PTPN2: variants seen among roughly 807,000 people sequenced by gnomAD.
PTPN2 encodes tyrosine-protein phosphatase non-receptor type 2.
In PTPN2, 19 loss-of-function variants were observed where a neutral mutation model predicts 57.3. The observed-to-expected ratio is 0.33, with a 90% CI of 0.23 to 0.49. The LOEUF (loss-of-function observed/expected upper bound fraction) is 0.49, where lower values mean the gene tolerates loss of function less well. Ranked by LOEUF, PTPN2 falls within the 20% of genes least tolerant of loss-of-function variation. PTPN2 has a pLI of 0.99. For synonymous variants in PTPN2, 153 were observed against 164.9 expected (o/e 0.93, Z 0.55); for missense variants, 358 against 501.1 (o/e 0.71, Z 2.73).
chr18:12,844,950 G>C (rs1311123179), intron 2 of PTPN2, among the ~76,000 whole-genome samples: 2 of 151,924 alleles, frequency 1.3e-5, no homozygotes, highest in African/African-American at 4.8e-5. Flanking sequence ...TTGCACCTTT[G>C]TCAAAAAATC....
At chr18:12,811,912 C>T (rs1261285636) in intron 7 of PTPN2, among the ~76,000 whole-genome samples, 1 of 152,196 alleles carries the variant, frequency 6.6e-6, no homozygotes, top group Non-Finnish European at 1.5e-5. Flanking sequence ...CACACAATGC[C>T]TAGAACCCTA....
chr18:12,840,201 G>T (rs2042997020), intron 2 of PTPN2, among the ~76,000 whole-genome samples: 1 of 152,058 alleles, frequency 6.6e-6, no homozygotes, highest in African/African-American at 2.4e-5. Flanking sequence ...CTCAACTAAG[G>T]GTAATCAGTA....
intron 8 of PTPN2, among the ~76,000 whole-genome samples, chr18:12,798,748 T>C (rs1195090871): frequency 2.6e-5 from 4 of 152,188 alleles, no homozygotes; most frequent in African/African-American, 4.8e-5. Flanking sequence ...AGTACAATGA[T>C]TTATATTCTT....
chr18:12,820,765 G>A (rs1333917436), intron 5 of PTPN2, among the ~76,000 whole-genome samples: 1 of 152,116 alleles, frequency 6.6e-6, no homozygotes, highest in African/African-American at 2.4e-5. Context: ...TTCCACACAT[G>A]CCTGCCAAGT....
At chr18:12,872,200 A>C (rs557986020) in intron 1 of PTPN2, 2 of 152,348 alleles carry the variant, frequency 1.3e-5, no homozygotes, top group East Asian at 3.9e-4. Context: ...CTAGAGGGGT[A>C]CAAACTCTAG....
In PTPN2 at chr18:12,793,833, T is replaced by C; in HGVS notation, c.*445A>G. The C allele has an allele frequency of 1.0e-6, 1 of 966,972 alleles. No individual in the cohort carries two copies. The highest frequency in any genetic ancestry group is 1.2e-6 in the Non-Finnish European group (1 of 808,520). The allele number at this position is 966,972 out of a possible 1,614,324, so 59.9% of individuals were successfully genotyped here. Reference sequence around the variant, plus strand: ...ATAAAAGTGTTGATGCCCATGTCAATAGTACATTATACATTACACACATTA... The same window carrying C: ...ATAAAAGTGTTGATGCCCATGTCAACAGTACATTATACATTACACACATTA... On this transcript the variant is annotated 3_prime_UTR_variant, in exon 9 of 9. Transcript: ENST00000309660.
chr18:12,838,479 A>C (rs2042942973), intron 2 of PTPN2, among the ~76,000 whole-genome samples: 1 of 152,184 alleles, frequency 6.6e-6, no homozygotes, highest in Non-Finnish European at 1.5e-5. Flanking sequence ...TATCTGTAAA[A>C]TATGCACGAG....
rs905296177 is a variant in PTPN2, at chr18:12,792,527, C to G, written c.*1751G>C. The G allele has an allele frequency of 6.6e-6, 1 of 152,592 alleles. No individual in the cohort carries two copies. Among genetic ancestry groups the G allele is most frequent in the South Asian group, 2.1e-4 (1 of 4,826 alleles). 9.5% of individuals were successfully genotyped at this position (152,592 alleles called of 1,614,324 possible). A position where few individuals can be genotyped will look rare whatever the true frequency, so the allele number is the denominator to read the frequency against. ...CCATCTCTTGACCTCGTGATCCGCC[C>G]GCCTTGGCCTTCCGAAGTGCTGGGA... On this transcript the variant is annotated 3_prime_UTR_variant, in exon 9 of 9. Transcript: ENST00000309660.
intron 1 of PTPN2, among the ~76,000 whole-genome samples, chr18:12,868,274 C>CA (rs2044062675): frequency 1.3e-5 from 2 of 150,818 alleles, no homozygotes; most frequent in Admixed American, 1.3e-4. Context: ...GATTGAGTCT[C>CA]ACTCTGTCTG....
chr18:12,861,269 G>A lies in PTPN2; in HGVS notation c.70-2015C>T, dbSNP rs906483542. 3.9e-5 allele frequency among the ~76,000 whole-genome samples: 6 copies of A among 152,208 alleles called. No homozygotes were observed. In the East Asian group the frequency reaches 1.2e-3, roughly 29 times the overall value. Reference sequence around the variant, plus strand: ...ATAAGACACTGTTATTAGCCTGCACGTGGAAGAGAAATTTAATTTTATCCC... The same window carrying A: ...ATAAGACACTGTTATTAGCCTGCACATGGAAGAGAAATTTAATTTTATCCC... On this transcript the variant is annotated intron_variant, in intron 1 of 8. Transcript: ENST00000309660.
intron 8 of PTPN2, among the ~76,000 whole-genome samples, chr18:12,796,891 A>G (rs1460165376): frequency 1.3e-5 from 2 of 152,204 alleles, no homozygotes; most frequent in Non-Finnish European, 2.9e-5. Context: ...TAACTTGGGT[A>G]CTTGTTTTAT....
intron 7 of PTPN2, among the ~76,000 whole-genome samples, chr18:12,811,148 T>C (rs1274995079): frequency 2.6e-5 from 4 of 152,150 alleles, no homozygotes; most frequent in Admixed American, 6.5e-5. Flanking sequence ...GGGAGAATAA[T>C]TAGGTAACTC....
rs1468647760 is a variant in PTPN2 at position 12,847,617 on chromosome 18, A to G, written c.161-10726T>C. On this transcript the variant is annotated intron_variant, in intron 2 of 8. Transcript: ENST00000309660. ...GATTTGGCTTTGATTAAAATTAAAG[A>G]TTTTTTTTTTTTTTTTTGAGAGGGA... 4.3e-5 allele frequency among the ~76,000 whole-genome samples: 6 copies of G among 138,908 alleles called. No individual in the cohort carries two copies. The East Asian group carries it at 1.2e-3, about 29-fold the overall frequency. 91.1% of individuals were successfully genotyped at this position (138,908 alleles called of 152,430 possible).
chr18:12,815,089 TAAATAAATAAATAAATAAATAA>T, intron 6 of PTPN2, among the ~76,000 whole-genome samples: 1 of 24,688 alleles, frequency 4.1e-5, no homozygotes, highest in South Asian at 2.0e-3. Flanking sequence ...ATCTCAAAAA[TAAATAAATAAATAAATAAATAA>T]ATAAATAAAT....
At chr18:12,883,265 G>A (rs1598911012) in intron 1 of PTPN2, among the ~76,000 whole-genome samples, 1 of 152,156 alleles carries the variant, frequency 6.6e-6, no homozygotes, top group African/African-American at 2.4e-5. Flanking sequence ...CCTCAGTAAG[G>A]AAAACTATAA....
intron 1 of PTPN2, among the ~76,000 whole-genome samples, chr18:12,878,580 G>A (rs9962792): frequency 3.7e-4 from 57 of 152,200 alleles, no homozygotes; most frequent in African/African-American, 1.4e-3. Context: ...TGAGGCAGTA[G>A]AACTGCTTGA....
chr18:12,858,290 T>G (rs1291446472), intron 2 of PTPN2, among the ~76,000 whole-genome samples: 1 of 152,176 alleles, frequency 6.6e-6, no homozygotes, highest in African/African-American at 2.4e-5. Context: ...AGAAAACCTA[T>G]GTTTAGCCCA....
At chr18:12,870,352 T>TATATATACAC (rs2044174232) in intron 1 of PTPN2, among the ~76,000 whole-genome samples, 4 of 32,756 alleles carry the variant, frequency 1.2e-4, no homozygotes, top group African/African-American at 3.1e-4. Context: ...CATATATATG[T>TATATATACAC]GTATATATAT....
At chr18:12,883,710 GGCGCGCGCCCGAGCGC>G (rs2044747303) in intron 1 of PTPN2, 1 of 190,564 alleles carries the variant, frequency 5.2e-6, no homozygotes, top group Admixed American at 6.1e-5. Flanking sequence ...GCGGCCCGGG[GGCGCGCGCCCGAGCGC>G]CCCCACGGCT....
Sources: gnomAD v4.1 joint callset for allele counts (sites outside exome capture counted in the v4.1 genomes callset) on GRCh38, gnomAD v4.1.1 for gene constraint, MANE v1.5 for transcripts, NCBI Gene and HGNC (gene_info 2026-07-23, HGNC 2026-07-21) for gene names.